The following MTRF1 variants were observed in gnomAD, a reference collection of about 807,000 sequenced individuals.
MTRF1 encodes the protein peptide chain release factor 1, mitochondrial.
Under a neutral mutation model 62.9 loss-of-function variants are expected in MTRF1, and 51 were observed. The ratio of observed to expected loss-of-function variants is 0.81; its 90% CI spans 0.65 to 1.02. MTRF1 has a LOEUF of 1.02. Among genes scored for constraint, MTRF1 ranks in the 50% least tolerant of loss-of-function variants. The pLI is 0.00. For missense variants in MTRF1, 446 were observed against 530.0 expected, an observed-to-expected ratio of 0.84 and a Z score of 1.56; for synonymous variants, 158 against 181.9, an observed-to-expected ratio of 0.87 and a Z score of 1.06.
rs1454145743 is a variant in MTRF1, at chr13:41,249,267, C to T, written c.697+3378G>A. Among the ~76,000 whole-genome samples the T allele has an allele frequency of 3.9e-5, 6 of 152,206 alleles. No individual in the cohort carries two copies. The South Asian group carries it at 6.2e-4, about 16-fold the overall frequency. ...AAAGAAATCAATTTTTTAGGCCGGG[C>T]GCGGTGGCTCACGCCTGTAATCCCA... is the stretch of plus-strand genomic sequence containing the variant. On this transcript the variant is annotated intron_variant, in intron 5 of 9. Coordinates refer to ENST00000379480, the MANE Select transcript of MTRF1 (RefSeq NM_004294.4).
At chr13:41,272,137 A>G in the MTRF1 span, among the ~76,000 whole-genome samples, 1 of 152,172 alleles carries the variant, frequency 6.6e-6, no homozygotes, top group Non-Finnish European at 1.5e-5. Context: ...ACAGACCTTG[A>G]AAAACAGAGC....
chr13:41,221,360 C>T (rs2033322631), intron 9 of MTRF1, among the ~76,000 whole-genome samples: 1 of 151,948 alleles, frequency 6.6e-6, no homozygotes. Context: ...GGGGTTTCAC[C>T]GTGTTAGCCA....
intron 9 of MTRF1, among the ~76,000 whole-genome samples, chr13:41,223,018 A>AT (rs1370936687): frequency 6.6e-6 from 1 of 152,214 alleles, no homozygotes; most frequent in Non-Finnish European, 1.5e-5. Flanking sequence ...ATGCATTGTG[A>AT]TTGCATAACG....
At chr13:41,278,706 C>T in the MTRF1 span, among the ~76,000 whole-genome samples, 2 of 152,214 alleles carry the variant, frequency 1.3e-5, no homozygotes, top group African/African-American at 4.8e-5. Context: ...AGTCCATTCT[C>T]ATTCAGATAG....
At chr13:41,241,180 G>A (rs1219148615) in intron 5 of MTRF1, among the ~76,000 whole-genome samples, 1 of 152,082 alleles carries the variant, frequency 6.6e-6, no homozygotes, top group East Asian at 1.9e-4. Flanking sequence ...GAGTGGCTAG[G>A]ATTACAGGCA....
the MTRF1 span, among the ~76,000 whole-genome samples, chr13:41,302,644 T>TCCCC: frequency 6.6e-6 from 1 of 151,814 alleles, no homozygotes; most frequent in Non-Finnish European, 1.5e-5. Context: ...ATCCTCCCAC[T>TCCCC]TCAGCCTCCC....
intron 5 of MTRF1, among the ~76,000 whole-genome samples, chr13:41,247,739 G>A (rs2038462729): frequency 6.6e-6 from 1 of 152,256 alleles, no homozygotes; most frequent in East Asian, 1.9e-4. Context: ...TTGCTCCATA[G>A]GTCAGGGAAC....
the MTRF1 span, among the ~76,000 whole-genome samples, chr13:41,271,641 G>A: frequency 6.6e-6 from 1 of 152,044 alleles, no homozygotes; most frequent in Non-Finnish European, 1.5e-5. Context: ...TTTCCTGGAT[G>A]AGCCTGTTTA....
At chr13:41,280,469 C>A in the MTRF1 span, among the ~76,000 whole-genome samples, 3 of 152,324 alleles carry the variant, frequency 2.0e-5, no homozygotes, top group Non-Finnish European at 4.4e-5. Context: ...CCACTTTGGG[C>A]ACAGGTTCTC....
chr13:41,251,478 TG>T (rs909908623), intron 5 of MTRF1, among the ~76,000 whole-genome samples: 18 of 152,134 alleles, frequency 1.2e-4, no homozygotes, highest in Non-Finnish European at 2.6e-4. Flanking sequence ...TGACAAGCTA[TG>T]GGTAAACTGG....
chr13:41,260,449 T>C, intron 2 of MTRF1, 44 bp downstream of exon 2: 1 of 1,521,742 alleles, frequency 6.6e-7, no homozygotes. Context: ...GTGGTTTTTT[T>C]TTTCATAGCC....
chr13:41,249,098 T>G (rs1566138286), intron 5 of MTRF1, among the ~76,000 whole-genome samples: 1 of 107,488 alleles, frequency 9.3e-6, no homozygotes, highest in Non-Finnish European at 2.2e-5. Context: ...TCTGTGCTTA[T>G]CTATGAGTTC....
chr13:41,307,586 C>A, the MTRF1 span, among the ~76,000 whole-genome samples: 1 of 151,600 alleles, frequency 6.6e-6, no homozygotes, highest in African/African-American at 2.4e-5. Context: ...CAGTGCACTC[C>A]AGCCTGGGTG....
intron 7 of MTRF1, 38 bp downstream of exon 7, chr13:41,233,852 A>G: frequency 6.7e-7 from 1 of 1,496,870 alleles, no homozygotes; most frequent in Non-Finnish European, 9.3e-7. Flanking sequence ...GTAAGATGGA[A>G]AAAGGGTTAA....
the MTRF1 span, among the ~76,000 whole-genome samples, chr13:41,268,919 A>G: frequency 6.6e-6 from 1 of 151,954 alleles, no homozygotes; most frequent in Non-Finnish European, 1.5e-5. Flanking sequence ...ACTTGATCAT[A>G]TAAAAGTTTT....
In MTRF1 at chr13:41,260,896, G is replaced by C; in HGVS notation, c.12C>G (p.His4Gln). The change falls in exon 2 of 10, where the codon CAC becomes CAG. Residue 4 changes from histidine to glutamine, a missense_variant. By Grantham distance (24) the His-to-Gln change is conservative. Coordinates refer to ENST00000379480, the MANE Select transcript of MTRF1 (RefSeq NM_004294.4). ...GATGTCTAAAAAGCCAAACACACAG[G>C]TGACGATTCATCTCAGCATCTGAAA... MNR[H>Q]LCVWLFRHPS... 1 of 1,601,640 alleles carries C rather than the reference G, an allele frequency of 6.2e-7. No homozygotes were observed. Among genetic ancestry groups the C allele is most frequent in the African/African-American group, 1.3e-5 (1 of 74,426 alleles).
chr13:41,257,152 A>G (rs541096282), intron 2 of MTRF1, among the ~76,000 whole-genome samples: 4 of 152,350 alleles, frequency 2.6e-5, no homozygotes, highest in African/African-American at 7.2e-5. Flanking sequence ...CAAGTTGTCT[A>G]TTTTGGTTGG....
At chr13:41,242,005 T>C (rs2037568995) in intron 5 of MTRF1, among the ~76,000 whole-genome samples, 1 of 152,214 alleles carries the variant, frequency 6.6e-6, no homozygotes, top group African/African-American at 2.4e-5. Context: ...TTAGTTAAAA[T>C]ACACTAATAA....
chr13:41,276,408 G>T, the MTRF1 span, among the ~76,000 whole-genome samples: 1 of 152,102 alleles, frequency 6.6e-6, no homozygotes, highest in Non-Finnish European at 1.5e-5. Context: ...CTGACCTCAA[G>T]TGATCCGCCT....
Sources: gnomAD v4.1 joint callset for allele counts (sites outside exome capture counted in the v4.1 genomes callset) on GRCh38, gnomAD v4.1.1 for gene constraint, MANE v1.5 for transcripts, NCBI Gene and HGNC (gene_info 2026-07-23, HGNC 2026-07-21) for gene names.